PCNX1: variants seen among roughly 807,000 people sequenced by gnomAD.
PCNX1 encodes pecanex-like protein 1.
PCNX1 carries 78 observed loss-of-function variants against 242.2 expected under a neutral mutation model. That is an observed-to-expected ratio of 0.32 (90% CI 0.27 to 0.39). The LOEUF is 0.39. PCNX1 is among the 10% of genes least tolerant of loss of function. PCNX1 has a pLI of 1.00. For synonymous variants in PCNX1, 1,024 were observed against 1,032.9 expected, an observed-to-expected ratio of 0.99 and a Z score of 0.17; for missense variants, 2,581 against 2,856.5, an observed-to-expected ratio of 0.90 and a Z score of 2.20.
intron 8 of PCNX1, among the ~76,000 whole-genome samples, chr14:71,009,333 T>C (rs930009187): frequency 6.6e-6 from 1 of 152,190 alleles, no homozygotes; most frequent in South Asian, 2.1e-4. Context: ...TTCATTCATA[T>C]GATCACCTGA....
At chr14:70,987,211 T>G (rs1440608698) in intron 6 of PCNX1, among the ~76,000 whole-genome samples, 3 of 152,214 alleles carry the variant, frequency 2.0e-5, no homozygotes, top group African/African-American at 7.2e-5. Context: ...AAAGGCAACC[T>G]TATCTTTCTA....
chr14:71,103,626 A>G lies in PCNX1; in HGVS notation c.6052A>G (p.Ser2018Gly), dbSNP rs146494440. The change falls in exon 32 of 36, where the codon AGC (serine) becomes GGC (glycine). Residue 2018 changes from serine to glycine, a missense_variant. Around this residue, in one of 9 missense-constraint regions of PCNX1, gnomAD observed 432 missense variants for 433.6 expected, o/e 1.00. Transcript: ENST00000304743. ...TAAAGACATTCTTGGGGGTCCTATC[A>G]GCTTGGGAAATATCAGGAACTTCAT... is the stretch of plus-strand genomic sequence containing the variant. ...QLKDILGGPI[S>G]LGNIRNFIVS... The G allele has an allele frequency of 2.9e-5, 47 of 1,614,032 alleles. No homozygotes were observed. Among genetic ancestry groups the G allele is most frequent in the Non-Finnish European group, 3.8e-5 (45 of 1,179,996 alleles).
intron 26 of PCNX1, among the ~76,000 whole-genome samples, chr14:71,071,292 G>A (rs1012533430): frequency 6.6e-6 from 1 of 152,178 alleles, no homozygotes; most frequent in African/African-American, 2.4e-5. Context: ...CACTGGAGTA[G>A]CACTTTTAAT....
intron 30 of PCNX1, among the ~76,000 whole-genome samples, chr14:71,099,920 A>G (rs1425075535): frequency 6.6e-6 from 1 of 152,084 alleles, no homozygotes; most frequent in Non-Finnish European, 1.5e-5. Context: ...TGCATGATAA[A>G]TCTTTCTCCA....
At chr14:70,941,727 A>G (rs1040484702) in intron 1 of PCNX1, among the ~76,000 whole-genome samples, 3 of 152,202 alleles carry the variant, frequency 2.0e-5, no homozygotes, top group Admixed American at 6.5e-5. Context: ...CTGCCCCCAG[A>G]GGTGGATTCT....
chr14:70,990,799 C>G (rs1018879124), intron 7 of PCNX1, among the ~76,000 whole-genome samples: 9 of 152,082 alleles, frequency 5.9e-5, no homozygotes, highest in African/African-American at 1.2e-4. Flanking sequence ...CCTGAAGTAA[C>G]TTTTCTTTCT....
At chr14:71,018,102 T>C (rs1230975229) in intron 11 of PCNX1, among the ~76,000 whole-genome samples, 1 of 152,136 alleles carries the variant, frequency 6.6e-6, no homozygotes, top group Admixed American at 6.5e-5. Flanking sequence ...ACCTATATGT[T>C]TAATTTTTTA....
rs2062728231 is a variant in PCNX1, at chr14:71,110,163, G to A, written c.*228G>A. The A allele has an allele frequency of 1.7e-6, 1 of 583,572 alleles. No individual in the cohort carries two copies. Among genetic ancestry groups the A allele is most frequent in the South Asian group, 1.8e-5 (1 of 56,440 alleles). The allele number at this position is 583,572 out of a possible 1,614,324, so 36.1% of individuals were successfully genotyped here. On this transcript the variant is annotated 3_prime_UTR_variant, in exon 36 of 36. Coordinates refer to ENST00000304743, the MANE Select transcript of PCNX1 (RefSeq NM_014982.3). The stretch of plus-strand genomic sequence containing the variant: ...AATATTTTTTTAAGTTAGCTGCCGA[G>A]AAAACATTTTGCATGAAGGATAAAG...
rs762475965 is a variant in PCNX1 at position 70,962,312 on chromosome 14, G to A, written c.449G>A (p.Gly150Asp). The change falls in exon 3 of 36, where the codon GGT becomes GAT. Residue 150 changes from glycine to aspartate, a missense_variant. By Grantham distance (94) the Gly-to-Asp change is moderately conservative (BLOSUM62 -1). Around this residue, in one of 9 missense-constraint regions of PCNX1, gnomAD observed 1,204 missense variants for 1,216.7 expected, o/e 0.99. Coordinates refer to ENST00000304743, the MANE Select transcript of PCNX1 (RefSeq NM_014982.3). ...VGCSSRNSYA[G>D]LDPSNQIGSG... is the part of the protein sequence containing the mutation. Reference sequence around the variant, plus strand: ...TGCAGTTCCAGAAATTCTTATGCCGGTCTAGATCCAAGCAACCAGGTAGGA... The same window carrying A: ...TGCAGTTCCAGAAATTCTTATGCCGATCTAGATCCAAGCAACCAGGTAGGA... 2 of 1,611,422 alleles carry A rather than the reference G, an allele frequency of 1.2e-6. No homozygotes were observed. Among genetic ancestry groups the A allele is most frequent in the Non-Finnish European group, 1.7e-6 (2 of 1,177,688 alleles).
intron 1 of PCNX1, among the ~76,000 whole-genome samples, chr14:70,935,850 G>T (rs988589241): frequency 1.3e-5 from 2 of 152,162 alleles, no homozygotes; most frequent in Non-Finnish European, 2.9e-5. Context: ...GGTGATCATG[G>T]CTAAGTCATT....
chr14:71,081,201 G>T (rs553917374), intron 28 of PCNX1, among the ~76,000 whole-genome samples: 1 of 152,158 alleles, frequency 6.6e-6, no homozygotes, highest in Non-Finnish European at 1.5e-5. Flanking sequence ...AACCAGCCTT[G>T]CATCCCAGGG....
intron 13 of PCNX1, among the ~76,000 whole-genome samples, chr14:71,023,888 T>A (rs2060170088): frequency 6.6e-6 from 1 of 152,142 alleles, no homozygotes; most frequent in African/African-American, 2.4e-5. Flanking sequence ...TTCACTGGAA[T>A]AATGAATAAT....
chr14:71,075,153 C>G (rs924038463), intron 27 of PCNX1, among the ~76,000 whole-genome samples: 1 of 151,948 alleles, frequency 6.6e-6, no homozygotes, highest in African/African-American at 2.4e-5. Flanking sequence ...TGCCACCACA[C>G]CCAGCTAATT....
intron 30 of PCNX1, among the ~76,000 whole-genome samples, chr14:71,101,171 G>A (rs2062452462): frequency 6.6e-6 from 1 of 152,040 alleles, no homozygotes; most frequent in African/African-American, 2.4e-5. Flanking sequence ...TTACTTTACT[G>A]GGATACAGAA....
At chr14:71,027,878 C>T (rs1454031921) in intron 15 of PCNX1, among the ~76,000 whole-genome samples, 1 of 151,820 alleles carries the variant, frequency 6.6e-6, no homozygotes, top group Non-Finnish European at 1.5e-5. Context: ...TGTTATATTA[C>T]TGTAAATACT....
chr14:71,075,050 A>C (rs973099091), intron 27 of PCNX1, among the ~76,000 whole-genome samples: 1 of 138,508 alleles, frequency 7.2e-6, no homozygotes, highest in African/African-American at 2.8e-5. Context: ...GCTGGACTAC[A>C]GTGGCATGAT....
At chr14:71,069,848 A>T (rs1242930940) in intron 26 of PCNX1, among the ~76,000 whole-genome samples, 1 of 152,200 alleles carries the variant, frequency 6.6e-6, no homozygotes, top group Non-Finnish European at 1.5e-5. Context: ...CTTTGGCAAG[A>T]TCTTAAAATC....
At chr14:70,986,782 C>A (rs1326287517) in intron 6 of PCNX1, among the ~76,000 whole-genome samples, 1 of 152,112 alleles carries the variant, frequency 6.6e-6, no homozygotes, top group African/African-American at 2.4e-5. Context: ...TTGAAAGTTT[C>A]TTGATGTAGT....
chr14:71,103,414 G>A lies in PCNX1; in HGVS notation c.5840G>A (p.Arg1947Gln), dbSNP rs762553697. 23 of 1,614,152 alleles carry A rather than the reference G, an allele frequency of 1.4e-5. No individual in the cohort carries two copies. The highest frequency in any genetic ancestry group is 1.9e-5 in the Non-Finnish European group (22 of 1,180,014). Residue 1947 changes from arginine (R) to glutamine (Q), a missense_variant, in exon 32 of 36, where the codon CGA (arginine) becomes CAA (glutamine). Physicochemically the swap from Arg to Gln is conservative, Grantham distance 43 (BLOSUM62 1). Transcript: ENST00000304743. ...RVIKVNKECVRGLWAGQQQEL... is the reference protein window; with the variant it reads ...RVIKVNKECVQGLWAGQQQEL... ...TTTCAGGTGAATAAGGAATGTGTCCGAGGTCTTTGGGCAGGGCAACAGCAG... is the reference window on the plus strand; with the variant it reads ...TTTCAGGTGAATAAGGAATGTGTCCAAGGTCTTTGGGCAGGGCAACAGCAG...
Sources: gnomAD v4.1 joint callset for allele counts (sites outside exome capture counted in the v4.1 genomes callset) on GRCh38, gnomAD v4.1.1 for gene constraint, gnomAD v4.1.1 regional missense constraint, MANE v1.5 for transcripts, NCBI Gene and HGNC (gene_info 2026-07-23, HGNC 2026-07-21) for gene names.